MYOD1: variants seen among roughly 807,000 people sequenced by gnomAD.
MYOD1 encodes the protein myogenic differentiation 1.
In MYOD1, 15 loss-of-function variants were observed where a neutral mutation model predicts 14.9. The observed-to-expected ratio is 1.01, with a 90% confidence interval of 0.67 to 1.55. The LOEUF is 1.55. MYOD1 is among the 40% of genes most tolerant of loss of function. The pLI, the probability that MYOD1 is intolerant of heterozygous loss-of-function variation, is 0.00. For synonymous variants in MYOD1, 235 were observed against 218.6 expected, an observed-to-expected ratio of 1.07 and a Z score of -0.66; for missense variants, 529 against 482.6, an observed-to-expected ratio of 1.10 and a Z score of -0.90.
rs538363540 is a variant in MYOD1 at position 17,721,198 on chromosome 11, G to A, written c.710-57G>A. 3.4e-6 allele frequency: 5 copies of A among 1,463,370 alleles called. No homozygotes were observed. The highest frequency in any genetic ancestry group is 2.5e-5 in the Admixed American group (1 of 39,658). 90.6% of individuals were successfully genotyped at this position (1,463,370 alleles called of 1,614,324 possible). A position where few individuals can be genotyped will look rare whatever the true frequency, so the allele number is the denominator to read the frequency against. ...TCTGTCTCAAAGTACTGGGCCCGGG[G>A]GTGGGAGGCTTGTCGCGGCCCCACC... On this transcript the variant is annotated intron_variant, in intron 2 of 2. Coordinates refer to ENST00000250003, the MANE Select transcript of MYOD1 (RefSeq NM_002478.5). The surrounding 1 kb of genome is among the most constrained non-coding windows in gnomAD (Gnocchi z 6.2).
chr11:17,721,163 C>A lies in MYOD1; in HGVS notation c.710-92C>A. On this transcript the variant is annotated intron_variant, in intron 2 of 2. Transcript: ENST00000250003. This position sits in a 1 kb window ranked among gnomAD's most constrained non-coding sequence, Gnocchi z 6.2. ...TGTCCCGGACTCTAACTAAAGTCCT[C>A]AGTTTCCAATCTGTCTCAAAGTACT... The A allele has an allele frequency of 2.1e-6, 3 of 1,439,080 alleles. No homozygotes were observed. The highest frequency in any genetic ancestry group is 2.7e-6 in the Non-Finnish European group (3 of 1,093,654). 89.1% of individuals were successfully genotyped at this position (1,439,080 alleles called of 1,614,324 possible). A position where few individuals can be genotyped will look rare whatever the true frequency, so the allele number is the denominator to read the frequency against.
chr11:17,721,262 G>A lies in MYOD1; in HGVS notation c.717G>A (p.Arg239=), dbSNP rs1465364301. ...CGAGCCCTCCCCGCGCAGAACCCAG[G>A]CCCGGGAAGAGTGCGGCGGTGTCGA... The part of the protein sequence containing the change: ...AYYNEAPSEP[R]PGKSAAVSSL... Residue 239 remains arginine (R), a synonymous_variant, in exon 3 of 3, where the codon AGG becomes AGA. Transcript: ENST00000250003. This position sits in a 1 kb window ranked among gnomAD's most constrained non-coding sequence, Gnocchi z 6.2. The A allele has an allele frequency of 1.3e-6, 2 of 1,556,098 alleles. No individual in the cohort carries two copies. Among genetic ancestry groups the A allele is most frequent in the South Asian group, 2.3e-5 (2 of 86,876 alleles).
In MYOD1 at chr11:17,720,184, C is replaced by T; in HGVS notation, c.402C>T (p.Arg134=). ...KVNEAFETLK[R]CTSSNPNQRL... Reference sequence around the variant, plus strand: ...ATGAGGCCTTTGAGACACTCAAGCGCTGCACGTCGAGCAATCCAAACCAGC... The same window carrying T: ...ATGAGGCCTTTGAGACACTCAAGCGTTGCACGTCGAGCAATCCAAACCAGC... The change falls in exon 1 of 3, where the codon CGC becomes CGT. Residue 134 remains arginine (R), a synonymous_variant. Coordinates refer to ENST00000250003, the MANE Select transcript of MYOD1 (RefSeq NM_002478.5). 1.9e-6 allele frequency: 3 copies of T among 1,609,786 alleles called. No individual in the cohort carries two copies. The highest frequency in any genetic ancestry group is 2.5e-6 in the Non-Finnish European group (3 of 1,178,720).
Position 17,722,036 on chromosome 11 carries a change from G to A in MYOD1, c.*528G>A. 4.9e-6 allele frequency: 1 copy of A among 205,054 alleles called. No individual in the cohort carries two copies. The highest frequency in any genetic ancestry group is 1.0e-5 in the Non-Finnish European group (1 of 100,150). 12.7% of individuals were successfully genotyped at this position (205,054 alleles called of 1,614,324 possible). A position where few individuals can be genotyped will look rare whatever the true frequency, so the allele number is the denominator to read the frequency against. On this transcript the variant is annotated 3_prime_UTR_variant, in exon 3 of 3. Coordinates refer to ENST00000250003, the MANE Select transcript of MYOD1 (RefSeq NM_002478.5). ...GGGGCTGTATTTATCTCTGAGGCAT[G>A]GTGTGTGGTGCTACAGGGAATTTGT... is the stretch of plus-strand genomic sequence containing the variant.
At position 17,721,000 on chromosome 11, in the gene MYOD1, C is replaced by G. The variant is rs767507597; in HGVS notation, c.709+20C>G. 22 of 1,563,290 alleles carry G rather than the reference C, an allele frequency of 1.4e-5. No homozygotes were observed. The highest frequency in any genetic ancestry group is 2.0e-5 in the Admixed American group (1 of 51,226). Reference sequence around the variant, plus strand: ...CCAGCGGTGGGTATTCCGGGCCTCTCCCTGCTCGCTCCTCCTCCTTCATGG... The same window carrying G: ...CCAGCGGTGGGTATTCCGGGCCTCTGCCTGCTCGCTCCTCCTCCTTCATGG... On this transcript the variant is annotated intron_variant, in intron 2 of 2. Coordinates refer to ENST00000250003, the MANE Select transcript of MYOD1 (RefSeq NM_002478.5).
In MYOD1 at chr11:17,721,525, C is replaced by T; in HGVS notation, c.*17C>T. 6.7e-7 allele frequency: 1 copy of T among 1,497,968 alleles called. No individual in the cohort carries two copies. Among genetic ancestry groups the T allele is most frequent in the African/African-American group, 1.4e-5 (1 of 70,814 alleles). 92.8% of individuals were successfully genotyped at this position (1,497,968 alleles called of 1,614,324 possible). On this transcript the variant is annotated 3_prime_UTR_variant, in exon 3 of 3. Transcript: ENST00000250003. This position sits in a 1 kb window ranked among gnomAD's most constrained non-coding sequence, Gnocchi z 6.2. ...GTGCTCTGAGGGGATGGTGGCCGCC[C>T]ACCCGCCCGAGGGATGGTGCCCCTA...
rs997869046 is a variant in MYOD1 at position 17,720,365 on chromosome 11, G to A, written c.583G>A (p.Gly195Ser). The A allele has an allele frequency of 3.8e-6, 6 of 1,559,322 alleles. No homozygotes were observed. Among genetic ancestry groups the A allele is most frequent in the African/African-American group, 2.8e-5 (2 of 70,530 alleles). Residue 195 changes from glycine (G) to serine (S), a missense_variant, in exon 1 of 3, where the codon GGC (glycine) becomes AGC (serine). Physicochemically the swap from Gly to Ser is moderately conservative, Grantham distance 56 (BLOSUM62 0). Transcript: ENST00000250003. ...GGGCCGCGGCGGCGAGCACTACAGCGGCGACTCCGACGCGTCCAGCCCGCG... is the reference window on the plus strand; with the variant it reads ...GGGCCGCGGCGGCGAGCACTACAGCAGCGACTCCGACGCGTCCAGCCCGCG... ...PPGRGGEHYS[G>S]DSDASSPRSN...
Position 17,720,404 on chromosome 11 carries a change from G to A in MYOD1, c.622G>A (p.Asp208Asn). 6.4e-7 allele frequency: 1 copy of A among 1,563,560 alleles called. No individual in the cohort carries two copies. The highest frequency in any genetic ancestry group is 8.6e-7 in the Non-Finnish European group (1 of 1,165,990). Residue 208 changes from aspartate to asparagine, a missense_variant, in exon 1 of 3, where the codon GAC (aspartate) becomes AAC (asparagine). Coordinates refer to ENST00000250003, the MANE Select transcript of MYOD1 (RefSeq NM_002478.5). ...DASSPRSNCS[D>N]GMMDYSGPPS... Reference sequence around the variant, plus strand: ...GTCCAGCCCGCGCTCCAACTGCTCCGACGGCATGGTAAGGCCGGGACCCCA... The same window carrying A: ...GTCCAGCCCGCGCTCCAACTGCTCCAACGGCATGGTAAGGCCGGGACCCCA...
In MYOD1 at chr11:17,720,917, CCCCCGAGCGGCG is replaced by C. The variant is rs745918130; in HGVS notation, c.650_661del (p.Pro217_Ala220del). 1.2e-6 allele frequency: 2 copies of C among 1,612,014 alleles called. No homozygotes were observed. The highest frequency in any genetic ancestry group is 2.7e-5 in the African/African-American group (2 of 74,874). ...CTGTTTGCAGATGGACTACAGCGGCCCCCCGAGCGGCGCCCGGCGGCGGAACTGCTACGAAGG... is the reference window on the plus strand; with the variant it reads ...CTGTTTGCAGATGGACTACAGCGGCCCCCGGCGGCGGAACTGCTACGAAGG... On this transcript the variant is annotated inframe_deletion, in exon 2 of 3. Transcript: ENST00000250003.
rs1312212557 is a variant in MYOD1, at chr11:17,721,043, T to A, written c.709+63T>A. 2.7e-6 allele frequency: 4 copies of A among 1,462,956 alleles called. No homozygotes were observed. Among genetic ancestry groups the A allele is most frequent in the Non-Finnish European group, 3.6e-6 (4 of 1,096,996 alleles). 90.6% of individuals were successfully genotyped at this position (1,462,956 alleles called of 1,614,324 possible). On this transcript the variant is annotated intron_variant, in intron 2 of 2. Coordinates refer to ENST00000250003, the MANE Select transcript of MYOD1 (RefSeq NM_002478.5). This position sits in a 1 kb window ranked among gnomAD's most constrained non-coding sequence, Gnocchi z 6.2. ...CTTCATGGAGCTGTCCTGGCCTCTATCTAGGACGCTCCCACCCCCACTCAC... is the reference window on the plus strand; with the variant it reads ...CTTCATGGAGCTGTCCTGGCCTCTAACTAGGACGCTCCCACCCCCACTCAC...
Position 17,720,017 on chromosome 11 carries a change from G to A in MYOD1, c.235G>A (p.Glu79Lys), listed in dbSNP as rs757423869. Residue 79 changes from glutamate (E) to lysine (K), a missense_variant, in exon 1 of 3, where the codon GAG becomes AAG. Transcript: ENST00000250003. ...VHPAPGARED[E>K]HVRAPSGHHQ... ...CCCGGCCCCGGGCGCACGTGAGGAC[G>A]AGCATGTGCGCGCGCCCAGCGGGCA... 2 of 1,593,512 alleles carry A rather than the reference G, an allele frequency of 1.3e-6. No individual in the cohort carries two copies. The highest frequency in any genetic ancestry group is 1.3e-5 in the African/African-American group (1 of 74,304).
rs528763895 is a variant in MYOD1 at position 17,721,742 on chromosome 11, C to T, written c.*234C>T. 2.1e-4 allele frequency: 102 copies of T among 496,708 alleles called. No individual in the cohort carries two copies. The highest frequency in any genetic ancestry group is 1.9e-3 in the African/African-American group (92 of 49,578). The allele number at this position is 496,708 out of a possible 1,614,324, so 30.8% of individuals were successfully genotyped here. ...CCATTGCGATGGCCGCTCCGTGTTCCTCGGTGGGCCAGAGCTGAACCTTGA... is the reference window on the plus strand; with the variant it reads ...CCATTGCGATGGCCGCTCCGTGTTCTTCGGTGGGCCAGAGCTGAACCTTGA... On this transcript the variant is annotated 3_prime_UTR_variant, in exon 3 of 3. Coordinates refer to ENST00000250003, the MANE Select transcript of MYOD1 (RefSeq NM_002478.5). The surrounding 1 kb of genome is among the most constrained non-coding windows in gnomAD (Gnocchi z 6.2).
rs750722551 is a variant in MYOD1, at chr11:17,721,557, C to A, written c.*49C>A. 1 of 1,477,628 alleles carries A rather than the reference C, an allele frequency of 6.8e-7. No individual in the cohort carries two copies. The highest frequency in any genetic ancestry group is 8.9e-7 in the Non-Finnish European group (1 of 1,120,924). The allele number at this position is 1,477,628 out of a possible 1,614,324, so 91.5% of individuals were successfully genotyped here. On this transcript the variant is annotated 3_prime_UTR_variant, in exon 3 of 3. Transcript: ENST00000250003. This position sits in a 1 kb window ranked among gnomAD's most constrained non-coding sequence, Gnocchi z 6.2. ...CCGAGGGATGGTGCCCCTAGGGTCC[C>A]TCGCGCCCAAAAGATTGAACTTAAA...
rs761412112 is a variant in MYOD1, at chr11:17,721,365, G to A, written c.820G>A (p.Val274Met). The A allele has an allele frequency of 1.3e-5, 20 of 1,594,712 alleles. No individual in the cohort carries two copies. The highest frequency in any genetic ancestry group is 1.6e-4 in the Middle Eastern group (1 of 6,062). The stretch of plus-strand genomic sequence containing the variant: ...GGCGCCCGCCCTCCTGCTGGCGGAC[G>A]TGCCTTCTGAGTCGCCTCCGCGCAG... Reference protein sequence around the residue: ...PAAPALLLADVPSESPPRRQE... With the variant: ...PAAPALLLADMPSESPPRRQE... The change falls in exon 3 of 3, where the codon GTG becomes ATG. Residue 274 changes from valine to methionine, a missense_variant. Physicochemically the swap from Val to Met is conservative, Grantham distance 21 (BLOSUM62 1). Transcript: ENST00000250003. This position sits in a 1 kb window ranked among gnomAD's most constrained non-coding sequence, Gnocchi z 6.2.
chr11:17,721,413 G>C lies in MYOD1; in HGVS notation c.868G>C (p.Glu290Gln). The C allele has an allele frequency of 1.3e-6, 2 of 1,598,654 alleles. No individual in the cohort carries two copies. The highest frequency in any genetic ancestry group is 1.7e-6 in the Non-Finnish European group (2 of 1,178,554). ...CAGGCAAGAGGCTGCCGCCCCCAGCGAGGGAGAGAGCAGCGGCGACCCCAC... is the reference window on the plus strand; with the variant it reads ...CAGGCAAGAGGCTGCCGCCCCCAGCCAGGGAGAGAGCAGCGGCGACCCCAC... The part of the protein sequence containing the change: ...PRRQEAAAPS[E>Q]GESSGDPTQS... The change falls in exon 3 of 3, where the codon GAG (glutamate) becomes CAG (glutamine). Residue 290 changes from glutamate (E) to glutamine (Q), a missense_variant. Coordinates refer to ENST00000250003, the MANE Select transcript of MYOD1 (RefSeq NM_002478.5). The surrounding 1 kb of genome is among the most constrained non-coding windows in gnomAD (Gnocchi z 6.2).
chr11:17,720,234 G>A lies in MYOD1; in HGVS notation c.452G>A (p.Arg151His), dbSNP rs1188761200. 1 of 1,608,406 alleles carries A rather than the reference G, an allele frequency of 6.2e-7. No homozygotes were observed. Among genetic ancestry groups the A allele is most frequent in the Non-Finnish European group, 8.5e-7 (1 of 1,178,380 alleles). Residue 151 changes from arginine to histidine, a missense_variant, in exon 1 of 3, where the codon CGC becomes CAC. Arg to His is a conservative substitution (Grantham distance 29). Transcript: ENST00000250003. ...CGGTTGCCCAAGGTGGAGATCCTGCGCAACGCCATCCGCTATATCGAGGGC... is the reference window on the plus strand; with the variant it reads ...CGGTTGCCCAAGGTGGAGATCCTGCACAACGCCATCCGCTATATCGAGGGC... Reference protein sequence around the residue: ...NQRLPKVEILRNAIRYIEGLQ... With the variant: ...NQRLPKVEILHNAIRYIEGLQ...
rs150885256 is a variant in MYOD1, at chr11:17,720,651, A to C, written c.630+239A>C. Among the ~76,000 whole-genome samples the C allele has an allele frequency of 2.9e-3, 442 of 152,256 alleles. 2 individuals carry two copies. The highest frequency in any genetic ancestry group is 9.9e-3 in the African/African-American group (411 of 41,548). On this transcript the variant is annotated intron_variant, in intron 1 of 2. Coordinates refer to ENST00000250003, the MANE Select transcript of MYOD1 (RefSeq NM_002478.5). ...AGAACACTGCAGCGCGAACGTGAAG[A>C]TCTTTTTCTCTACTTATCCCTACTT...
At position 17,720,363 on chromosome 11, in the gene MYOD1, G is replaced by T. The variant is rs758264151; in HGVS notation, c.581G>T (p.Ser194Ile). The T allele has an allele frequency of 1.1e-5, 17 of 1,559,144 alleles. No homozygotes were observed. The highest frequency in any genetic ancestry group is 1.5e-5 in the Non-Finnish European group (17 of 1,160,576). Reference sequence around the variant, plus strand: ...CCGGGCCGCGGCGGCGAGCACTACAGCGGCGACTCCGACGCGTCCAGCCCG... The same window carrying T: ...CCGGGCCGCGGCGGCGAGCACTACATCGGCGACTCCGACGCGTCCAGCCCG... ...LPPGRGGEHY[S>I]GDSDASSPRS... The change falls in exon 1 of 3, where the codon AGC (serine) becomes ATC (isoleucine). Residue 194 changes from serine (S) to isoleucine (I), a missense_variant. Transcript: ENST00000250003.
Position 17,722,088 on chromosome 11 carries a change from G to A in MYOD1, c.*580G>A, listed in dbSNP as rs751372696. The A allele has an allele frequency of 5.8e-5, 11 of 189,206 alleles. No homozygotes were observed. The highest frequency in any genetic ancestry group is 1.1e-4 in the Non-Finnish European group (10 of 90,042). The allele number at this position is 189,206 out of a possible 1,614,324, so 11.7% of individuals were successfully genotyped here. A position where few individuals can be genotyped will look rare whatever the true frequency, so the allele number is the denominator to read the frequency against. ...CGTTTATACCGCAGGCGGGCGAGCC[G>A]CGGGCGCTCGCTCAGGTGATCAAAA... On this transcript the variant is annotated 3_prime_UTR_variant, in exon 3 of 3. Coordinates refer to ENST00000250003, the MANE Select transcript of MYOD1 (RefSeq NM_002478.5).
Sources: allele counts gnomAD v4.1 joint callset (sites outside exome capture counted in the v4.1 genomes callset), GRCh38; gene constraint gnomAD v4.1.1; non-coding constraint Gnocchi (gnomAD v3.1); transcripts MANE v1.5; gene names NCBI Gene and HGNC (gene_info 2026-07-23, HGNC 2026-07-21).